STN1: variants seen among roughly 807,000 people sequenced by gnomAD.
STN1 encodes CST complex subunit STN1.
STN1 carries 29 observed loss-of-function variants against 45.5 expected under a neutral mutation model. That is an observed-to-expected ratio of 0.64 (90% CI 0.47 to 0.87). The LOEUF (loss-of-function observed/expected upper bound fraction) is 0.87, where lower values mean the gene tolerates loss of function less well. Ranked by LOEUF, STN1 falls within the 40% of genes least tolerant of loss-of-function variation. STN1 has a pLI of 0.00. For missense variants in STN1, 376 were observed against 441.4 expected (o/e 0.85, Z 1.33); for synonymous variants, 148 against 159.0 (o/e 0.93, Z 0.52).
intron 8 of STN1, 135 bp from the exon 9 acceptor site, chr10:103,889,279 G>T (rs1843123276): frequency 3.3e-6 from 2 of 612,746 alleles, no homozygotes; most frequent in Non-Finnish European, 5.8e-6. Context: ...CCATTAATGT[G>T]GTGTTTGATA....
chr10:103,894,818 T>G (rs1373352770), intron 7 of STN1, among the ~76,000 whole-genome samples: 1 of 152,114 alleles, frequency 6.6e-6, no homozygotes, highest in Non-Finnish European at 1.5e-5. Flanking sequence ...TAGTCTTCAT[T>G]CCCAAACAAA....
intron 7 of STN1, among the ~76,000 whole-genome samples, chr10:103,895,753 C>G (rs181858336): frequency 1.2e-4 from 19 of 152,274 alleles, no homozygotes; most frequent in Middle Eastern, 3.4e-3. Context: ...TCTGTTCCAC[C>G]AAAATCAAGA....
intron 3 of STN1, 105 bp downstream of exon 3, chr10:103,910,422 A>C: frequency 1.5e-6 from 1 of 680,446 alleles, no homozygotes; most frequent in South Asian, 1.8e-5. Context: ...GCCCTTAGTG[A>C]GGGTCCCCAG....
intron 9 of STN1, among the ~76,000 whole-genome samples, chr10:103,888,368 C>T (rs1345010890): frequency 1.3e-5 from 2 of 152,182 alleles, no homozygotes; most frequent in African/African-American, 2.4e-5. Flanking sequence ...TTTGAAAAGT[C>T]GCCTTTAAGA....
rs1843046582 is a variant in STN1 at position 103,878,667 on chromosome 10, A to G, written c.*4017T>C. 1 of 152,208 alleles carries G rather than the reference A, an allele frequency of 6.6e-6. No individual in the cohort carries two copies. The highest frequency in any genetic ancestry group is 1.5e-5 in the Non-Finnish European group (1 of 68,038). 9.4% of individuals were successfully genotyped at this position (152,208 alleles called of 1,614,324 possible). On this transcript the variant is annotated 3_prime_UTR_variant, in exon 10 of 10. Transcript: ENST00000224950. ...AGCTATGTGGGGTAAAAAGCACCTG[A>G]GATCTCACCATGCAGAGGTAACATG...
chr10:103,902,490 G>A (rs139974835), intron 4 of STN1, among the ~76,000 whole-genome samples: 1 of 152,328 alleles, frequency 6.6e-6, no homozygotes, highest in African/African-American at 2.4e-5. Context: ...CTCAAGCTGT[G>A]TAATTAAATG....
intron 3 of STN1, among the ~76,000 whole-genome samples, chr10:103,909,462 A>ATATATATATGTATATATATG (rs1843271679): frequency 1.9e-5 from 2 of 102,732 alleles, no homozygotes; most frequent in African/African-American, 8.3e-5. Flanking sequence ...GTATATATGT[A>ATATATATATGTATATATATG]TATATATGTA....
chr10:103,913,604 G>A (rs985517803), intron 2 of STN1, among the ~76,000 whole-genome samples: 6 of 152,186 alleles, frequency 3.9e-5, no homozygotes, highest in Admixed American at 1.3e-4. Context: ...ATATAGAAAC[G>A]TGAACTATAC....
At chr10:103,887,966 T>C (rs540237589) in intron 9 of STN1, among the ~76,000 whole-genome samples, 7 of 152,372 alleles carry the variant, frequency 4.6e-5, no homozygotes, top group Admixed American at 3.9e-4. Flanking sequence ...CACATTGCAC[T>C]GCTCTCAAAA....
At chr10:103,903,338 T>G (rs1013284451) in intron 4 of STN1, among the ~76,000 whole-genome samples, 2 of 152,178 alleles carry the variant, frequency 1.3e-5, no homozygotes, top group Non-Finnish European at 2.9e-5. Flanking sequence ...TGACTGAAGA[T>G]TGTGACAACA....
In STN1 at chr10:103,917,461, C is replaced by A; in HGVS notation, c.133+1G>T. On this transcript the variant is annotated splice_donor_variant, in intron 2 of 9. Transcript: ENST00000224950. LOFTEE classifies it high-confidence loss of function. ...GCATCCCAGGGTGGCTAGCCACATA[C>A]CTGGCACCTGGCGGGACTCCTTCAT... The A allele has an allele frequency of 1.2e-6, 2 of 1,612,890 alleles. No homozygotes were observed. The highest frequency in any genetic ancestry group is 2.2e-5 in the South Asian group (2 of 90,996).
intron 1 of STN1, 71 bp from the exon 2 acceptor site, chr10:103,917,727 TC>T: frequency 9.9e-7 from 1 of 1,008,176 alleles, no homozygotes; most frequent in Non-Finnish European, 1.4e-6. Flanking sequence ...CTGACGCTGC[TC>T]CCAGGTGGGC....
chr10:103,914,574 G>C (rs1230642461), intron 2 of STN1, among the ~76,000 whole-genome samples: 13 of 151,010 alleles, frequency 8.6e-5, no homozygotes, highest in African/African-American at 2.9e-4. Context: ...GGCTGGTCTT[G>C]AACTCTGGGC....
chr10:103,882,418 G>C lies in STN1; in HGVS notation c.*266C>G, dbSNP rs968554561. 5.3e-6 allele frequency: 2 copies of C among 378,206 alleles called. No individual in the cohort carries two copies. Among genetic ancestry groups the C allele is most frequent in the African/African-American group, 4.1e-5 (2 of 49,098 alleles). The allele number at this position is 378,206 out of a possible 1,614,324, so 23.4% of individuals were successfully genotyped here. On this transcript the variant is annotated 3_prime_UTR_variant, in exon 10 of 10. Transcript: ENST00000224950. ...CTCCCCATTCTGCTCTGCGAACAAC[G>C]CACAGTCCAGCCAGGAGCTCAACAG...
intron 6 of STN1, among the ~76,000 whole-genome samples, chr10:103,898,052 T>C (rs1843183089): frequency 6.6e-6 from 1 of 152,166 alleles, no homozygotes; most frequent in African/African-American, 2.4e-5. Flanking sequence ...GAAACTAATT[T>C]AAAAAGACAC....
chr10:103,888,898 A>G (rs973670936), intron 9 of STN1, among the ~76,000 whole-genome samples, 174 bp downstream of exon 9: 2 of 152,164 alleles, frequency 1.3e-5, no homozygotes, highest in Non-Finnish European at 2.9e-5. Context: ...TGCTAGCCCA[A>G]CACTCCTTTA....
At chr10:103,912,089 G>C (rs1003295930) in intron 2 of STN1, among the ~76,000 whole-genome samples, 1 of 152,076 alleles carries the variant, frequency 6.6e-6, no homozygotes, top group African/African-American at 2.4e-5. Context: ...AAGATGGCAG[G>C]AACAAGGAGG....
rs1843052844 is a variant in STN1, at chr10:103,879,445, C to T, written c.*3239G>A. ...CAGCGAAAGAGGAATGAGGGCAGGCCTCACTGAGAAGGTGACACTCAAGTA... is the reference window on the plus strand; with the variant it reads ...CAGCGAAAGAGGAATGAGGGCAGGCTTCACTGAGAAGGTGACACTCAAGTA... On this transcript the variant is annotated 3_prime_UTR_variant, in exon 10 of 10. Transcript: ENST00000224950. The T allele has an allele frequency of 6.6e-6, 1 of 152,460 alleles. No homozygotes were observed. The highest frequency in any genetic ancestry group is 1.5e-5 in the Non-Finnish European group (1 of 68,208). 9.4% of individuals were successfully genotyped at this position (152,460 alleles called of 1,614,324 possible).
At chr10:103,906,138 TCC>T (rs1843239029) in intron 3 of STN1, among the ~76,000 whole-genome samples, 1 of 152,128 alleles carries the variant, frequency 6.6e-6, no homozygotes, top group African/African-American at 2.4e-5. Context: ...CTAAAATAAA[TCC>T]TAGATGGGTT....
Sources: gnomAD v4.1 joint callset for allele counts (sites outside exome capture counted in the v4.1 genomes callset) on GRCh38, gnomAD v4.1.1 for gene constraint, MANE v1.5 for transcripts, NCBI Gene and HGNC (gene_info 2026-07-23, HGNC 2026-07-21) for gene names.